The following DNAJC6 variants were observed in gnomAD, a reference collection of about 807,000 sequenced individuals.
DNAJC6 encodes DnaJ heat shock protein family (Hsp40) member C6.
A neutral mutation model predicts 110.0 loss-of-function variants in DNAJC6; 34 were observed. The observed-to-expected ratio is 0.31, with a 90% CI of 0.24 to 0.41. The LOEUF (loss-of-function observed/expected upper bound fraction) is 0.41. DNAJC6 is among the 10% of genes least tolerant of loss of function. The pLI is 1.00. For synonymous variants in DNAJC6, 406 were observed against 437.2 expected (o/e 0.93, Z 0.89); for missense variants, 1,031 against 1,207.8 (o/e 0.85, Z 2.17).
intron 13 of DNAJC6, among the ~76,000 whole-genome samples, chr1:65,398,568 C>G (rs1646000929): frequency 6.6e-6 from 1 of 152,138 alleles, no homozygotes; most frequent in Non-Finnish European, 1.5e-5. Context: ...CAAAGTGAGA[C>G]AAAGAAGGAG....
intron 5 of DNAJC6, among the ~76,000 whole-genome samples, chr1:65,382,561 G>A (rs1570354559): frequency 6.6e-6 from 1 of 152,290 alleles, no homozygotes; most frequent in African/African-American, 2.4e-5. Flanking sequence ...CAAGATAAAT[G>A]TAAAGTCCTG....
At chr1:65,276,561 T>G (rs540592898) in intron 1 of DNAJC6, among the ~76,000 whole-genome samples, 60 of 152,308 alleles carry the variant, frequency 3.9e-4, no homozygotes, top group Admixed American at 9.8e-4. Context: ...GGAAACTGAC[T>G]GAGAGTCTGA....
chr1:65,278,150 G>A (rs1047021628), intron 1 of DNAJC6, among the ~76,000 whole-genome samples: 2 of 152,184 alleles, frequency 1.3e-5, no homozygotes, highest in African/African-American at 4.8e-5. Context: ...TGCGCGCTGC[G>A]TTTAGTGCTG....
At chr1:65,304,717 G>C (rs2101318301), upstream of DNAJC6, among the ~76,000 whole-genome samples, 1 of 152,266 alleles carries the variant, frequency 6.6e-6, no homozygotes, top group East Asian at 1.9e-4. Flanking sequence ...CATCTCTCTT[G>C]GGGGTATTTC....
At chr1:65,331,223 A>T (rs956257214) in intron 1 of DNAJC6, among the ~76,000 whole-genome samples, 3 of 152,168 alleles carry the variant, frequency 2.0e-5, no homozygotes, top group Non-Finnish European at 4.4e-5. Flanking sequence ...CTTTGTAGCC[A>T]TTGGCTTCCC....
At chr1:65,401,406 A>G (rs1646029210) in intron 14 of DNAJC6, among the ~76,000 whole-genome samples, 1 of 152,204 alleles carries the variant, frequency 6.6e-6, no homozygotes, top group Admixed American at 6.5e-5. Flanking sequence ...GTTAAGCAAG[A>G]TTCCCACGGT....
At chr1:65,345,782 G>C (rs1478885325) in intron 1 of DNAJC6, 1 of 625,336 alleles carries the variant, frequency 1.6e-6, no homozygotes, top group Non-Finnish European at 2.0e-6. Flanking sequence ...GTAGAGTGCA[G>C]ATCCAGGTTG....
chr1:65,358,178 C>CAAAAA (rs11285114), intron 1 of DNAJC6, among the ~76,000 whole-genome samples: 1,197 of 79,222 alleles, frequency 0.015, 3 homozygotes, highest in Non-Finnish European at 0.019. Flanking sequence ...GACTCAGTCT[C>CAAAAA]AAAAAAAAAA....
chr1:65,365,119 A>G (rs1324509992), intron 2 of DNAJC6, among the ~76,000 whole-genome samples: 1 of 151,842 alleles, frequency 6.6e-6, no homozygotes, highest in African/African-American at 2.4e-5. Flanking sequence ...TTTTTTTTAT[A>G]CCCTGACAGG....
intron 1 of DNAJC6, among the ~76,000 whole-genome samples, chr1:65,296,325 T>G (rs1027517724): frequency 2.0e-5 from 3 of 152,212 alleles, no homozygotes; most frequent in African/African-American, 7.2e-5. Flanking sequence ...TTTGTCTACT[T>G]TAATACAGTA....
chr1:65,392,539 A>G lies in DNAJC6; in HGVS notation c.1577A>G (p.Asn526Ser), dbSNP rs191459935. 2.0e-4 allele frequency: 320 copies of G among 1,614,130 alleles called. 2 individuals carry two copies. The East Asian group carries it at 4.8e-3, about 24-fold the overall frequency. The stretch of plus-strand genomic sequence containing the variant: ...CTGACACTTTCCAGTCCGCATGGCA[A>G]TGCCAATGGTGACAAGCCTCATGGA... ...ELLTLSSPHG[N>S]ANGDKPHGVK... Residue 526 changes from asparagine (N) to serine (S), a missense_variant, in exon 12 of 19, where the codon AAT becomes AGT. By Grantham distance (46) the Asn-to-Ser change is conservative. Coordinates refer to ENST00000371069, the MANE Select transcript of DNAJC6 (RefSeq NM_001256864.2).
chr1:65,353,537 T>C (rs1645511734), intron 1 of DNAJC6, among the ~76,000 whole-genome samples: 1 of 152,212 alleles, frequency 6.6e-6, no homozygotes, highest in East Asian at 1.9e-4. Context: ...TCCATTTGAC[T>C]GGAATTCCCC....
chr1:65,309,642 A>G lies in DNAJC6; in HGVS notation c.-104A>G. 1 of 1,345,722 alleles carries G rather than the reference A, an allele frequency of 7.4e-7. No homozygotes were observed. The highest frequency in any genetic ancestry group is 9.5e-7 in the Non-Finnish European group (1 of 1,048,470). 83.4% of individuals were successfully genotyped at this position (1,345,722 alleles called of 1,614,324 possible). On this transcript the variant is annotated 5_prime_UTR_variant, in exon 1 of 19. Transcript: ENST00000371069. ...CCCTCCTCTTTGCGTCATGTCGGGC[A>G]CTTAATTTTTTTTTTTTTTTAATTC...
At chr1:65,317,927 A>T (rs1007601379) in intron 1 of DNAJC6, among the ~76,000 whole-genome samples, 1 of 151,968 alleles carries the variant, frequency 6.6e-6, no homozygotes, top group Non-Finnish European at 1.5e-5. Context: ...AAGAAAGAAA[A>T]CCCGTTTTGG....
intron 7 of DNAJC6, 56 bp from the exon 8 acceptor site, chr1:65,386,756 T>G: frequency 7.0e-7 from 1 of 1,425,166 alleles, no homozygotes; most frequent in Non-Finnish European, 9.9e-7. Context: ...CCTGTGTCTG[T>G]GTGATTGTAC....
intron 1 of DNAJC6, among the ~76,000 whole-genome samples, chr1:65,283,747 A>G (rs1049638636): frequency 6.6e-6 from 1 of 152,154 alleles, no homozygotes; most frequent in Non-Finnish European, 1.5e-5. Context: ...TCCAGAGGGG[A>G]TATACCATTT....
intron 1 of DNAJC6, among the ~76,000 whole-genome samples, chr1:65,314,093 A>G (rs571551933): frequency 6.6e-6 from 1 of 152,264 alleles, no homozygotes; most frequent in African/African-American, 2.4e-5. Flanking sequence ...TTTAAAGAAT[A>G]AGTATAATGA....
intron 1 of DNAJC6, among the ~76,000 whole-genome samples, chr1:65,361,462 T>G (rs1252213173): frequency 6.6e-6 from 1 of 152,162 alleles, no homozygotes; most frequent in Non-Finnish European, 1.5e-5. Context: ...TGTATGAACA[T>G]CTAAGTGGCA....
chr1:65,289,195 T>G (rs1247715943), intron 1 of DNAJC6, among the ~76,000 whole-genome samples: 1 of 152,160 alleles, frequency 6.6e-6, no homozygotes, highest in Non-Finnish European at 1.5e-5. Flanking sequence ...GTCAGTCATT[T>G]AAATTTTTTT....
Sources: gnomAD v4.1 joint callset for allele counts (sites outside exome capture counted in the v4.1 genomes callset) on GRCh38, gnomAD v4.1.1 for gene constraint, MANE v1.5 for transcripts, NCBI Gene and HGNC (gene_info 2026-07-23, HGNC 2026-07-21) for gene names.